Variants in RPAP1 observed in about 807,000 individuals in gnomAD.
RPAP1 encodes the protein RNA polymerase II associated protein 1.
A neutral mutation model predicts 142.4 loss-of-function variants in RPAP1; 109 were observed. The observed-to-expected ratio is 0.77, with a 90% CI of 0.66 to 0.90. The LOEUF (loss-of-function observed/expected upper bound fraction) is 0.90, where lower values mean the gene tolerates loss of function less well. RPAP1 is among the 40% of genes least tolerant of loss of function. The probability of loss-of-function intolerance (pLI) is 0.00; values close to 1 mark genes in which losing one functional copy is unlikely to be tolerated. For missense variants in RPAP1, 1,546 were observed against 1,751.7 expected (o/e 0.88, Z 2.10); for synonymous variants, 704 against 738.9 (o/e 0.95, Z 0.77).
chr15:41,527,769 C>A, intron 11 of RPAP1, 91 bp downstream of exon 11: 1 of 1,538,276 alleles, frequency 6.5e-7, no homozygotes, highest in South Asian at 1.3e-5. Context: ...ACATCTTGCC[C>A]GCAAAGCCTT....
At chr15:41,542,632 C>A (rs2051981110) in intron 1 of RPAP1, among the ~76,000 whole-genome samples, 1 of 152,314 alleles carries the variant, frequency 6.6e-6, no homozygotes. Flanking sequence ...GTGTTCAAAT[C>A]CAGGCTCTGC....
At chr15:41,533,890 G>C (rs1254563387) in intron 6 of RPAP1, among the ~76,000 whole-genome samples, 5 of 150,560 alleles carry the variant, frequency 3.3e-5, no homozygotes, top group African/African-American at 1.2e-4. Flanking sequence ...GGGAGGCCAA[G>C]GCCAGTGGAT....
rs761462845 is a variant in RPAP1 at position 41,529,587 on chromosome 15, G to T, written c.1060-19C>A. On this transcript the variant is annotated intron_variant, in intron 8 of 24. Coordinates refer to ENST00000304330, the MANE Select transcript of RPAP1 (RefSeq NM_015540.4). ...GCATCCTCTAATGGGAAGAGAAAGAGGACTGTGGTCTGGGGGCTCCAGCAA... is the reference window on the plus strand; with the variant it reads ...GCATCCTCTAATGGGAAGAGAAAGATGACTGTGGTCTGGGGGCTCCAGCAA... 6.3e-7 allele frequency: 1 copy of T among 1,574,960 alleles called. No homozygotes were observed. Among genetic ancestry groups the T allele is most frequent in the Non-Finnish European group, 8.7e-7 (1 of 1,147,302 alleles).
At chr15:41,522,432 C>T (rs917591718) in intron 19 of RPAP1, 182 bp from the exon 20 acceptor site, 3 of 640,206 alleles carry the variant, frequency 4.7e-6, no homozygotes, top group South Asian at 1.9e-5. Context: ...CTCTTGTTGC[C>T]CAGGCTGCAG....
rs1595488968 is a variant in RPAP1, at chr15:41,537,052, C to A, written c.74G>T (p.Gly25Val). 6.2e-7 allele frequency: 1 copy of A among 1,614,136 alleles called. No homozygotes were observed. The highest frequency in any genetic ancestry group is 8.5e-7 in the Non-Finnish European group (1 of 1,180,010). The change falls in exon 2 of 25, where the codon GGT (glycine) becomes GTT (valine). Residue 25 changes from glycine (G) to valine (V), a missense_variant. Transcript: ENST00000304330. The stretch of plus-strand genomic sequence containing the variant: ...CACCAACTGCACTGCTGGGGCTGCA[C>A]CAGCTGCGAGAAACTGACTCTGGAA... ...LHFQSQFLAAGAAPAVQLVKK... is the reference protein window; with the variant it reads ...LHFQSQFLAAVAAPAVQLVKK...
chr15:41,531,195 G>A lies in RPAP1; in HGVS notation c.771C>T (p.Ser257=). ...TGTGAGATCTCAAGAAAGCAACCAA[G>A]CTGGGGTCTAGAGGCGAAGGTAGAG... The part of the protein sequence containing the change: ...QQRLLAQLDP[S]LVAFLRSHSH... Residue 257 remains serine (S), a synonymous_variant, in exon 7 of 25, where the codon AGC becomes AGT. Transcript: ENST00000304330. 1.2e-6 allele frequency: 2 copies of A among 1,611,216 alleles called. No homozygotes were observed. The highest frequency in any genetic ancestry group is 2.2e-5 in the South Asian group (2 of 90,994).
intron 6 of RPAP1, 138 bp from the exon 7 acceptor site, chr15:41,531,340 T>C (rs919735719): frequency 9.6e-5 from 80 of 830,404 alleles, no homozygotes; most frequent in Non-Finnish European, 1.4e-4. Context: ...GCCTGAGCCT[T>C]CTGGGTGCTC....
In RPAP1 at chr15:41,529,901, T is replaced by C. The variant is rs200839487; in HGVS notation, c.1022A>G (p.Gln341Arg). 6.2e-6 allele frequency: 10 copies of C among 1,613,348 alleles called. No individual in the cohort carries two copies. In the East Asian group the frequency reaches 1.1e-4, roughly 18 times the overall value. ...TVELEKLHWT[Q>R]DLPPVRRQQT... is the part of the protein sequence containing the mutation. ...CTGCCGCCGGACAGGGGGCAAGTCC[T>C]GGGTCCAGTGGAGCTTCTCCAGCTC... Residue 341 changes from glutamine (Q) to arginine (R), a missense_variant, in exon 8 of 25, where the codon CAG (glutamine) becomes CGG (arginine). By Grantham distance (43) the Gln-to-Arg change is conservative. Transcript: ENST00000304330.
chr15:41,522,840 T>A lies in RPAP1; in HGVS notation c.2667A>T (p.Ser889=). Residue 889 remains serine (S), a synonymous_variant, in exon 19 of 25, where the codon TCA becomes TCT. Coordinates refer to ENST00000304330, the MANE Select transcript of RPAP1 (RefSeq NM_015540.4). ...GGAGGGCAGTGAGGAATGGGAAGGG[T>A]GAGGCTGAGCCAGCCAGACTGAGAC... ...CPRLSLAGSA[S]PFPFLTALLS... is the part of the protein sequence containing the mutation. The A allele has an allele frequency of 6.3e-7, 1 of 1,585,030 alleles. No individual in the cohort carries two copies. Among genetic ancestry groups the A allele is most frequent in the Non-Finnish European group, 8.5e-7 (1 of 1,170,742 alleles).
At position 41,517,367 on chromosome 15, in the gene RPAP1, ATGGTAG is replaced by A. The variant is rs1378285359; in HGVS notation, c.*169_*174del. The A allele has an allele frequency of 1.8e-6, 1 of 545,014 alleles. No homozygotes were observed. The highest frequency in any genetic ancestry group is 3.2e-6 in the Non-Finnish European group (1 of 314,474). The allele number at this position is 545,014 out of a possible 1,614,324, so 33.8% of individuals were successfully genotyped here. A position where few individuals can be genotyped will look rare whatever the true frequency, so the allele number is the denominator to read the frequency against. ...CAGAAGCCCCAGATATCAGGATGTAATGGTAGGGCTCACTGCTCTAAAACAGCTCAA... is the reference window on the plus strand; with the variant it reads ...CAGAAGCCCCAGATATCAGGATGTAAGGCTCACTGCTCTAAAACAGCTCAA... On this transcript the variant is annotated 3_prime_UTR_variant, in exon 25 of 25. Coordinates refer to ENST00000304330, the MANE Select transcript of RPAP1 (RefSeq NM_015540.4).
chr15:41,533,956 T>C (rs1005307147), intron 6 of RPAP1, among the ~76,000 whole-genome samples: 1 of 151,930 alleles, frequency 6.6e-6, no homozygotes, highest in Non-Finnish European at 1.5e-5. Flanking sequence ...ACTCCGTCTC[T>C]ACTAAAAATA....
chr15:41,543,383 G>C (rs988923488), intron 1 of RPAP1, among the ~76,000 whole-genome samples: 4 of 151,740 alleles, frequency 2.6e-5, no homozygotes, highest in African/African-American at 9.7e-5. Context: ...CTAATTTTTT[G>C]TATTTTTTTA....
Position 41,528,216 on chromosome 15 carries a change from A to C in RPAP1, c.1260+19T>G. ...GGTGAAGGGAAGGGTGGGCAGGACC[A>C]GGCTGGCAATCCACTCACCCTGCTG... is the stretch of plus-strand genomic sequence containing the variant. On this transcript the variant is annotated intron_variant, in intron 10 of 24. Coordinates refer to ENST00000304330, the MANE Select transcript of RPAP1 (RefSeq NM_015540.4). 1 of 1,588,054 alleles carries C rather than the reference A, an allele frequency of 6.3e-7. No homozygotes were observed. Among genetic ancestry groups the C allele is most frequent in the South Asian group, 1.1e-5 (1 of 87,918 alleles).
At chr15:41,537,494 G>A (rs575514597) in intron 1 of RPAP1, among the ~76,000 whole-genome samples, 2 of 152,116 alleles carry the variant, frequency 1.3e-5, no homozygotes, top group Non-Finnish European at 2.9e-5. Context: ...TGTCATAATG[G>A]GGGGGTGATG....
At chr15:41,539,155 C>A (rs12442382) in intron 1 of RPAP1, among the ~76,000 whole-genome samples, 58,558 of 151,806 alleles carry the variant, frequency 0.39, 11,541 homozygotes, top group East Asian at 0.49. Context: ...GTCACCCAGG[C>A]TGGAGTGCAG....
chr15:41,527,498 T>C lies in RPAP1; in HGVS notation c.1536A>G (p.Ala512=), dbSNP rs11540889. The change falls in exon 12 of 25, where the codon GCA becomes GCG. Residue 512 remains alanine, a synonymous_variant. Coordinates refer to ENST00000304330, the MANE Select transcript of RPAP1 (RefSeq NM_015540.4). ...EDEDEDEECP[A]GKAKRKSPEE... is the part of the protein sequence containing the mutation. ...CAGGGCTTTTCCTTTTTGCTTTTCC[T>C]GCTGGGCATTCTTCATCCTCGTCCT... 6.4e-3 allele frequency: 10,268 copies of C among 1,614,236 alleles called. 151 individuals carry two copies. The highest frequency in any genetic ancestry group is 0.055 in the East Asian group (2,463 of 44,878).
chr15:41,523,417 A>G (rs1430564654), intron 17 of RPAP1, 63 bp from the exon 18 acceptor site: 2 of 1,100,012 alleles, frequency 1.8e-6, no homozygotes, highest in East Asian at 4.9e-5. Flanking sequence ...GACCCTGTGT[A>G]CCCAGGCCAA....
At chr15:41,523,439 C>A in intron 17 of RPAP1, 85 bp from the exon 18 acceptor site, 1 of 901,222 alleles carries the variant, frequency 1.1e-6, no homozygotes, top group Non-Finnish European at 1.7e-6. Flanking sequence ...GCCACCATCC[C>A]AACAGCCCAA....
At position 41,537,045 on chromosome 15, in the gene RPAP1, G is replaced by T. The variant is rs59729881; in HGVS notation, c.81C>A (p.Ala27=). ...FQSQFLAAGA[A]PAVQLVKKGN... ...CTTTCTTCACCAACTGCACTGCTGG[G>T]GCTGCACCAGCTGCGAGAAACTGAC... Residue 27 remains alanine (A), a synonymous_variant, in exon 2 of 25, where the codon GCC becomes GCA. Coordinates refer to ENST00000304330, the MANE Select transcript of RPAP1 (RefSeq NM_015540.4). 4,399 of 1,613,902 alleles carry T rather than the reference G, an allele frequency of 2.7e-3. 121 individuals are homozygous for T. The African/African-American group carries it at 0.054, about 20-fold the overall frequency.
Sources: allele counts gnomAD v4.1 joint callset (sites outside exome capture counted in the v4.1 genomes callset), GRCh38; gene constraint gnomAD v4.1.1; transcripts MANE v1.5; gene names NCBI Gene and HGNC (gene_info 2026-07-23, HGNC 2026-07-21).